RBM47: variants seen among roughly 807,000 people sequenced by gnomAD.
RBM47 encodes RNA-binding protein 47.
RBM47 carries 21 observed loss-of-function variants against 47.1 expected under a neutral mutation model. That is an observed-to-expected ratio of 0.45 (90% confidence interval 0.32 to 0.64). The LOEUF is 0.64. Ranked by LOEUF, RBM47 falls within the 30% of genes least tolerant of loss-of-function variation. The pLI is 0.05. For synonymous variants in RBM47, 375 were observed against 361.7 expected (o/e 1.04, Z -0.42); for missense variants, 708 against 870.9 (o/e 0.81, Z 2.35).
chr4:40,530,597 GCC>G (rs1398641909), intron 2 of RBM47, among the ~76,000 whole-genome samples: 1 of 152,182 alleles, frequency 6.6e-6, no homozygotes, highest in Non-Finnish European at 1.5e-5. Context: ...ACCGCGTCCA[GCC>G]CTATTTTTCT....
At chr4:40,470,869 C>T (rs751213298) in intron 2 of RBM47, among the ~76,000 whole-genome samples, 22 of 151,994 alleles carry the variant, frequency 1.4e-4, no homozygotes, top group South Asian at 6.2e-4. Context: ...CAGCCTCCCA[C>T]GTAGCTGGGA....
At position 40,583,169 on chromosome 4, in the gene RBM47, G is replaced by A. The variant is rs150157843; in HGVS notation, c.-239-38663C>T. On this transcript the variant is annotated intron_variant, in intron 1 of 6. Transcript: ENST00000295971. ...CGGCCAAGCACAGTGGCTCACGCCT[G>A]TAATTCCAGCATTTACTGGGAGGCT... Among the ~76,000 whole-genome samples the A allele has an allele frequency of 4.3e-4, 65 of 152,248 alleles. No homozygotes were observed. The East Asian group carries it at 0.012, about 29-fold the overall frequency.
intron 3 of RBM47, among the ~76,000 whole-genome samples, chr4:40,447,952 A>C (rs1198474260): frequency 6.6e-6 from 1 of 152,196 alleles, no homozygotes. Flanking sequence ...TGGAGCTTGC[A>C]GTGAGCCGAG....
At chr4:40,552,486 C>A (rs1202017518) in intron 1 of RBM47, among the ~76,000 whole-genome samples, 3 of 152,238 alleles carry the variant, frequency 2.0e-5, no homozygotes, top group African/African-American at 4.8e-5. Flanking sequence ...GTTAAAAATT[C>A]ATCTAGTCCA....
chr4:40,500,177 G>A (rs1451283342), intron 2 of RBM47, among the ~76,000 whole-genome samples: 1 of 152,190 alleles, frequency 6.6e-6, no homozygotes, highest in African/African-American at 2.4e-5. Flanking sequence ...GCCGGGTGTG[G>A]TGGTGCATGC....
chr4:40,600,999 A>AAAAAAAGAAAG (rs1338188731), intron 1 of RBM47, among the ~76,000 whole-genome samples: 7 of 147,364 alleles, frequency 4.8e-5, no homozygotes, highest in African/African-American at 1.6e-4. Flanking sequence ...AAAAAAAAAA[A>AAAAAAAGAAAG]AAAGAAAGAA....
chr4:40,623,253 G>T (rs1233588869), intron 1 of RBM47, among the ~76,000 whole-genome samples: 1 of 152,182 alleles, frequency 6.6e-6, no homozygotes, highest in South Asian at 2.1e-4. Flanking sequence ...AAAAAGCAAA[G>T]GAGGTCCCTG....
intron 1 of RBM47, among the ~76,000 whole-genome samples, chr4:40,570,435 C>CT (rs1220759479): frequency 1.3e-5 from 2 of 151,770 alleles, no homozygotes; most frequent in East Asian, 1.9e-4. Context: ...TCATAATAGG[C>CT]TTTACGCGCC....
At chr4:40,473,078 T>C (rs1330768192) in intron 2 of RBM47, among the ~76,000 whole-genome samples, 1 of 152,162 alleles carries the variant, frequency 6.6e-6, no homozygotes, top group Non-Finnish European at 1.5e-5. Flanking sequence ...GTATATGTGG[T>C]AGGCTAGGTG....
rs988489962 is a variant in RBM47 at position 40,493,195 on chromosome 4, G to A, written c.-154-26496C>T. Among the ~76,000 whole-genome samples, 8 of 152,132 alleles carry A rather than the reference G, an allele frequency of 5.3e-5. No individual in the cohort carries two copies. In the East Asian group the frequency reaches 1.2e-3, roughly 22 times the overall value. ...GGATTCCCCCTATGAGCTGGGTGCCGAGGTTACAACCTGAATGACACATGT... is the reference window on the plus strand; with the variant it reads ...GGATTCCCCCTATGAGCTGGGTGCCAAGGTTACAACCTGAATGACACATGT... On this transcript the variant is annotated intron_variant, in intron 2 of 6. Transcript: ENST00000295971.
At chr4:40,587,754 T>TGATG (rs1560489064) in intron 1 of RBM47, among the ~76,000 whole-genome samples, 1 of 152,082 alleles carries the variant, frequency 6.6e-6, no homozygotes, top group African/African-American at 2.4e-5. Context: ...GTTGGAGAGG[T>TGATG]GATGCCACGG....
intron 1 of RBM47, among the ~76,000 whole-genome samples, chr4:40,582,155 A>C (rs1331400868): frequency 6.6e-6 from 1 of 152,086 alleles, no homozygotes; most frequent in African/African-American, 2.4e-5. Context: ...GTCTTAGTTC[A>C]AGTTCTTCAC....
chr4:40,605,036 GGTT>G (rs1302746853), intron 1 of RBM47, among the ~76,000 whole-genome samples: 1 of 151,062 alleles, frequency 6.6e-6, no homozygotes, highest in Non-Finnish European at 1.5e-5. Flanking sequence ...TTGTTGTCGT[GGTT>G]GTTAAGGAGT....
At chr4:40,504,499 G>T (rs772272948) in intron 2 of RBM47, among the ~76,000 whole-genome samples, 14 of 151,960 alleles carry the variant, frequency 9.2e-5, no homozygotes, top group Admixed American at 1.3e-4. Flanking sequence ...CACCATGCTG[G>T]CCAGGCTGAT....
At chr4:40,434,432 A>T (rs3755892) in intron 5 of RBM47, among the ~76,000 whole-genome samples, 79,790 of 151,968 alleles carry the variant, frequency 0.53, 23,255 homozygotes, top group South Asian at 0.72. Context: ...GCCCACAGGA[A>T]TTTCTACCTC....
rs146557961 is a variant in RBM47, at chr4:40,502,814, C to A, written c.-154-36115G>T. Among the ~76,000 whole-genome samples, 6 of 152,022 alleles carry A rather than the reference C, an allele frequency of 3.9e-5. No individual in the cohort carries two copies. In the East Asian group the frequency reaches 1.2e-3, roughly 29 times the overall value. On this transcript the variant is annotated intron_variant, in intron 2 of 6. Coordinates refer to ENST00000295971, the MANE Select transcript of RBM47 (RefSeq NM_001098634.2). ...TGAGCAGTAATCATATTGCTGTACT[C>A]CAGCCTGGGTTGAGAGAGCAAAACC...
chr4:40,552,984 T>A (rs1468332586), intron 1 of RBM47, among the ~76,000 whole-genome samples: 3 of 152,072 alleles, frequency 2.0e-5, no homozygotes, highest in Non-Finnish European at 4.4e-5. Flanking sequence ...CTTTTTTTTT[T>A]TGAGACGGAG....
chr4:40,622,536 A>G (rs1053390344), intron 1 of RBM47, among the ~76,000 whole-genome samples: 1 of 152,198 alleles, frequency 6.6e-6, no homozygotes, highest in Non-Finnish European at 1.5e-5. Context: ...GAGATAGAGA[A>G]GCTCTAGAAA....
intron 2 of RBM47, among the ~76,000 whole-genome samples, chr4:40,491,338 C>T (rs6829460): frequency 0.33 from 49,971 of 152,014 alleles, 8,579 homozygotes; most frequent in African/African-American, 0.43. Context: ...TATAGATCAA[C>T]CACCTCATAA....
Sources: gnomAD v4.1 joint callset for allele counts (sites outside exome capture counted in the v4.1 genomes callset) on GRCh38, gnomAD v4.1.1 for gene constraint, MANE v1.5 for transcripts, NCBI Gene and HGNC (gene_info 2026-07-23, HGNC 2026-07-21) for gene names.